Variants in AGBL1 observed in about 807,000 individuals in gnomAD.
The protein encoded by AGBL1 is AGBL carboxypeptidase 1.
Under a neutral mutation model 118.9 loss-of-function variants are expected in AGBL1, and 130 were observed. The observed-to-expected ratio is 1.09, with a 90% confidence interval of 0.95 to 1.26. The LOEUF (loss-of-function observed/expected upper bound fraction) is 1.26. Among genes scored for constraint, AGBL1 ranks in the 50% most tolerant of loss-of-function variants. AGBL1 has a pLI of 0.00. For synonymous variants in AGBL1, 555 were observed against 478.9 expected, an observed-to-expected ratio of 1.16 and a Z score of -2.08; for missense variants, 1,584 against 1,298.1, an observed-to-expected ratio of 1.22 and a Z score of -3.38.
chr15:86,913,567 T>G lies in AGBL1; in HGVS notation c.*6273T>G, dbSNP rs1340540587. The G allele has an allele frequency of 6.6e-6, 1 of 152,218 alleles. No homozygotes were observed. Among genetic ancestry groups the G allele is most frequent in the Middle Eastern group, 3.2e-3 (1 of 316 alleles). The allele number at this position is 152,218 out of a possible 1,614,324, so 9.4% of individuals were successfully genotyped here. A position where few individuals can be genotyped will look rare whatever the true frequency, so the allele number is the denominator to read the frequency against. ...TAAACAGAGGAGAGCACTGACTGTT[T>G]ACAAGGCTGAAGCAGGCAAGGCGTG... On this transcript the variant is annotated 3_prime_UTR_variant, in exon 23 of 23. Transcript: ENST00000614907.
chr15:86,334,113 C>T (rs944765071), intron 17 of AGBL1, among the ~76,000 whole-genome samples: 1 of 152,142 alleles, frequency 6.6e-6, no homozygotes, highest in African/African-American at 2.4e-5. Flanking sequence ...TTTCTGAGAA[C>T]TGGAACAAGA....
chr15:86,689,718 A>G (rs777120992), intron 22 of AGBL1, among the ~76,000 whole-genome samples: 2 of 152,194 alleles, frequency 1.3e-5, no homozygotes, highest in Non-Finnish European at 2.9e-5. Flanking sequence ...CTGTAACTAT[A>G]GAAACGATTG....
rs1291634962 is a variant in AGBL1, at chr15:86,615,283, G to A, written c.2995-58990G>A. On this transcript the variant is annotated intron_variant, in intron 21 of 22. Coordinates refer to ENST00000614907, the MANE Select transcript of AGBL1 (RefSeq NM_001386094.1). The surrounding 1 kb of genome is among the most constrained non-coding windows in gnomAD (Gnocchi z 4.3). ...AAAACAGACTATTGACTAAAAACCA[G>A]CCTAGGAAAAGATGTGATGAGGGAC... is the stretch of plus-strand genomic sequence containing the variant. Among the ~76,000 whole-genome samples, 1 of 152,160 alleles carries A rather than the reference G, an allele frequency of 6.6e-6. No individual in the cohort carries two copies. The highest frequency in any genetic ancestry group is 6.5e-5 in the Admixed American group (1 of 15,274).
At chr15:86,948,602 C>G (rs966657011) in intron 23 of AGBL1, among the ~76,000 whole-genome samples, 2 of 152,220 alleles carry the variant, frequency 1.3e-5, no homozygotes, top group African/African-American at 4.8e-5. Context: ...CATCATATTT[C>G]TAGCCAACGA....
chr15:86,485,314 G>A (rs573985476), intron 18 of AGBL1, among the ~76,000 whole-genome samples: 1 of 152,208 alleles, frequency 6.6e-6, no homozygotes, highest in South Asian at 2.1e-4. Flanking sequence ...AGCCACATCT[G>A]AATAAAGAAA....
At chr15:86,163,580 T>C (rs1402710730) in intron 5 of AGBL1, among the ~76,000 whole-genome samples, 3 of 151,754 alleles carry the variant, frequency 2.0e-5, no homozygotes, top group Non-Finnish European at 4.4e-5. Context: ...ATACAAAAAT[T>C]AGCTGGGCAT....
At chr15:86,552,671 T>C (rs1055160940) in intron 20 of AGBL1, among the ~76,000 whole-genome samples, 2 of 152,030 alleles carry the variant, frequency 1.3e-5, no homozygotes, top group African/African-American at 4.8e-5. Context: ...TCTGGGGAGA[T>C]AGAAAACAAA....
chr15:86,575,788 G>T (rs2084083690), intron 21 of AGBL1, among the ~76,000 whole-genome samples: 1 of 151,908 alleles, frequency 6.6e-6, no homozygotes, highest in Non-Finnish European at 1.5e-5. Context: ...ATAGAGACAG[G>T]GTCTTGGTAT....
Position 86,334,325 on chromosome 15 carries a change from A to G in AGBL1, c.2374+38917A>G, listed in dbSNP as rs569576401. ...TGATAAAGGACTTCAGTAAAGTTTC[A>G]GGATACAAAATCAATGTACAAAAAT... On this transcript the variant is annotated intron_variant, in intron 17 of 22. Coordinates refer to ENST00000614907, the MANE Select transcript of AGBL1 (RefSeq NM_001386094.1). Among the ~76,000 whole-genome samples, 322 of 152,330 alleles carry G rather than the reference A, an allele frequency of 2.1e-3. 2 individuals carry two copies. The highest frequency in any genetic ancestry group is 7.5e-3 in the African/African-American group (310 of 41,582).
At chr15:87,030,477 C>A (rs1356562602), downstream of AGBL1, among the ~76,000 whole-genome samples, 1 of 151,914 alleles carries the variant, frequency 6.6e-6, no homozygotes, top group Non-Finnish European at 1.5e-5. Flanking sequence ...ATTTACAACT[C>A]TTTGCTTGAC....
intron 5 of AGBL1, among the ~76,000 whole-genome samples, chr15:86,184,915 A>G (rs968993239): frequency 1.3e-5 from 2 of 152,192 alleles, no homozygotes; most frequent in Non-Finnish European, 2.9e-5. Context: ...AAATTGACAA[A>G]TGGGATCTAA....
intron 22 of AGBL1, among the ~76,000 whole-genome samples, chr15:86,676,874 G>A (rs1227062129): frequency 2.6e-5 from 4 of 152,106 alleles, no homozygotes; most frequent in Admixed American, 6.5e-5. Context: ...AGGCTGAGGC[G>A]GGTGGATCAC....
At chr15:86,695,976 A>G (rs1320430009) in intron 22 of AGBL1, among the ~76,000 whole-genome samples, 1 of 151,742 alleles carries the variant, frequency 6.6e-6, no homozygotes, top group Non-Finnish European at 1.5e-5. Flanking sequence ...TATAATTTAG[A>G]TTTTCTTAAA....
chr15:86,920,774 G>T (rs1392497586), downstream of AGBL1, among the ~76,000 whole-genome samples: 1 of 152,138 alleles, frequency 6.6e-6, no homozygotes, highest in Admixed American at 6.5e-5. Flanking sequence ...GTTGTGATTT[G>T]AACTCGACAA....
chr15:86,722,104 G>A (rs574150496), intron 22 of AGBL1, among the ~76,000 whole-genome samples: 1 of 152,156 alleles, frequency 6.6e-6, no homozygotes, highest in Non-Finnish European at 1.5e-5. Context: ...TAGATTCAAT[G>A]CCATCCCCAT....
intron 15 of AGBL1, among the ~76,000 whole-genome samples, chr15:86,277,035 T>C (rs2079263879): frequency 6.6e-6 from 1 of 152,114 alleles, no homozygotes; most frequent in Admixed American, 6.6e-5. Flanking sequence ...GAGAGTCCAG[T>C]GGGGATGCCT....
intron 18 of AGBL1, among the ~76,000 whole-genome samples, chr15:86,512,271 A>T (rs1416077022): frequency 6.6e-6 from 1 of 151,898 alleles, no homozygotes; most frequent in African/African-American, 2.4e-5. Flanking sequence ...CATTTTGTTT[A>T]TCTGGGTTTT....
chr15:86,821,824 C>G lies in AGBL1; in HGVS notation c.3159-85263C>G, dbSNP rs112742310. Among the ~76,000 whole-genome samples the G allele has an allele frequency of 4.5e-4, 68 of 152,264 alleles. 1 individual carries two copies. Among genetic ancestry groups the G allele is most frequent in the African/African-American group, 1.6e-3 (66 of 41,566 alleles). On this transcript the variant is annotated intron_variant, in intron 22 of 22. Transcript: ENST00000614907. ...CCTTTAAGGTGCTGCTTCAGATTTG[C>G]TCAGCTTCACTTATCTCTGGAACCC...
intron 22 of AGBL1, among the ~76,000 whole-genome samples, chr15:86,867,752 G>T (rs2079652854): frequency 6.6e-6 from 1 of 152,148 alleles, no homozygotes; most frequent in African/African-American, 2.4e-5. Context: ...ATATATGTTG[G>T]TATGAAAGCA....
Sources: gnomAD v4.1 joint callset for allele counts (sites outside exome capture counted in the v4.1 genomes callset) on GRCh38, gnomAD v4.1.1 for gene constraint, Gnocchi (gnomAD v3.1) non-coding constraint, MANE v1.5 for transcripts, NCBI Gene and HGNC (gene_info 2026-07-23, HGNC 2026-07-21) for gene names.